NKAIN2: variants seen among roughly 807,000 people sequenced by gnomAD.
NKAIN2 encodes the protein sodium/potassium transporting ATPase interacting 2.
In NKAIN2, 14 loss-of-function variants were observed where a neutral mutation model predicts 32.6. The ratio of observed to expected loss-of-function variants is 0.43; its 90% CI spans 0.28 to 0.67. The LOEUF (loss-of-function observed/expected upper bound fraction) is 0.67. Ranked by LOEUF, NKAIN2 falls within the 30% of genes least tolerant of loss-of-function variation. NKAIN2 has a pLI of 0.17. For missense variants in NKAIN2, 198 were observed against 258.3 expected, an observed-to-expected ratio of 0.77 and a Z score of 1.60; for synonymous variants, 80 against 87.2, an observed-to-expected ratio of 0.92 and a Z score of 0.46.
chr6:124,211,838 G>A (rs1037092700), intron 1 of NKAIN2, among the ~76,000 whole-genome samples: 1 of 151,962 alleles, frequency 6.6e-6, no homozygotes, highest in Admixed American at 6.6e-5. Context: ...TGTGAGCTTT[G>A]TTTAAATAGT....
At chr6:124,493,065 G>T (rs958414866) in intron 3 of NKAIN2, among the ~76,000 whole-genome samples, 2 of 151,826 alleles carry the variant, frequency 1.3e-5, no homozygotes, top group African/African-American at 4.8e-5. Context: ...ATAGTGATTA[G>T]ATTAGAAAAT....
At chr6:124,363,473 T>C (rs928769719) in intron 3 of NKAIN2, among the ~76,000 whole-genome samples, 1 of 152,202 alleles carries the variant, frequency 6.6e-6, no homozygotes, top group African/African-American at 2.4e-5. Flanking sequence ...GGTGGTCTAG[T>C]GCACATAGGC....
At chr6:123,881,197 CT>C (rs1311496705) in intron 1 of NKAIN2, among the ~76,000 whole-genome samples, 1 of 152,036 alleles carries the variant, frequency 6.6e-6, no homozygotes, top group Admixed American at 6.6e-5. Context: ...ATTTTTTGTA[CT>C]TTTAGTAGAG....
intron 1 of NKAIN2, among the ~76,000 whole-genome samples, chr6:124,111,807 A>C (rs918910752): frequency 1.3e-5 from 2 of 151,080 alleles, no homozygotes; most frequent in African/African-American, 4.9e-5. Flanking sequence ...TGCCTCAATT[A>C]GTTTTTTGTT....
rs1015300789 is a variant in NKAIN2 at position 123,880,318 on chromosome 6, A to G, written c.54+76064A>G. Among the ~76,000 whole-genome samples the G allele has an allele frequency of 3.9e-5, 6 of 152,356 alleles. No homozygotes were observed. The East Asian group carries it at 7.7e-4, about 20-fold the overall frequency. On this transcript the variant is annotated intron_variant, in intron 1 of 6. Coordinates refer to ENST00000368417, the MANE Select transcript of NKAIN2 (RefSeq NM_001040214.3). ...CAAGGTCTAGTGAGCCCTGCTGCTGATAGAAGAAAGTTAAATTTCTATTCC... is the reference window on the plus strand; with the variant it reads ...CAAGGTCTAGTGAGCCCTGCTGCTGGTAGAAGAAAGTTAAATTTCTATTCC...
At position 123,858,362 on chromosome 6, in the gene NKAIN2, C is replaced by T. The variant is rs564172614; in HGVS notation, c.54+54108C>T. 4.8e-4 allele frequency among the ~76,000 whole-genome samples: 73 copies of T among 152,144 alleles called. No homozygotes were observed. The South Asian group carries it at 0.012, about 24-fold the overall frequency. ...AACTCCCGACCTCAGGTGATCTGCC[C>T]GCCTCGGCCTCCCAAAGTGCTGGGA... On this transcript the variant is annotated intron_variant, in intron 1 of 6. Coordinates refer to ENST00000368417, the MANE Select transcript of NKAIN2 (RefSeq NM_001040214.3).
At chr6:124,043,056 T>C (rs983972219) in intron 1 of NKAIN2, among the ~76,000 whole-genome samples, 2 of 152,078 alleles carry the variant, frequency 1.3e-5, no homozygotes, top group African/African-American at 4.8e-5. Flanking sequence ...TTATTCCTAA[T>C]AAATGTTAGG....
chr6:124,510,122 G>T (rs1282492587), intron 3 of NKAIN2, among the ~76,000 whole-genome samples: 1 of 149,286 alleles, frequency 6.7e-6, no homozygotes. Context: ...CATGATTTTT[G>T]AAATTTAATA....
chr6:124,531,360 C>G (rs1779518071), intron 3 of NKAIN2, among the ~76,000 whole-genome samples: 1 of 152,180 alleles, frequency 6.6e-6, no homozygotes, highest in Non-Finnish European at 1.5e-5. Flanking sequence ...GCCTCTTGGC[C>G]TAACCCTCTT....
intron 1 of NKAIN2, among the ~76,000 whole-genome samples, chr6:124,137,699 A>C (rs142361404): frequency 6.6e-6 from 1 of 152,294 alleles, no homozygotes; most frequent in East Asian, 1.9e-4. Context: ...AAAACACAGA[A>C]ATAAATCCAA....
chr6:124,159,686 G>T (rs1398977782), intron 1 of NKAIN2, among the ~76,000 whole-genome samples: 1 of 152,130 alleles, frequency 6.6e-6, no homozygotes, highest in Non-Finnish European at 1.5e-5. Context: ...ACCTGTTGGT[G>T]TCAGAATAGT....
At chr6:124,812,614 C>T (rs1045342984) in intron 5 of NKAIN2, among the ~76,000 whole-genome samples, 4 of 152,140 alleles carry the variant, frequency 2.6e-5, no homozygotes, top group Non-Finnish European at 5.9e-5. Context: ...TCCCCAATTT[C>T]CCTTGCACTA....
intron 3 of NKAIN2, among the ~76,000 whole-genome samples, chr6:124,358,120 G>T (rs1484014552): frequency 6.6e-6 from 1 of 152,084 alleles, no homozygotes; most frequent in Non-Finnish European, 1.5e-5. Context: ...ATTTTTTATG[G>T]CTGCATAGTA....
At chr6:123,904,588 G>A (rs1194983996) in intron 1 of NKAIN2, among the ~76,000 whole-genome samples, 2 of 152,176 alleles carry the variant, frequency 1.3e-5, no homozygotes, top group East Asian at 3.9e-4. Flanking sequence ...AGCACTGGAT[G>A]TTTTTCTCCA....
chr6:123,910,837 A>C (rs945920348), intron 1 of NKAIN2, among the ~76,000 whole-genome samples: 1 of 152,012 alleles, frequency 6.6e-6, no homozygotes, highest in Non-Finnish European at 1.5e-5. Context: ...GTTTCACCTC[A>C]TCCTGAAGAA....
chr6:124,724,371 T>A (rs1176294631), intron 4 of NKAIN2, among the ~76,000 whole-genome samples: 1 of 152,162 alleles, frequency 6.6e-6, no homozygotes, highest in Non-Finnish European at 1.5e-5. Flanking sequence ...AAAGAATAGC[T>A]ATTATAAGTT....
chr6:124,302,664 C>T (rs755368619), intron 2 of NKAIN2, among the ~76,000 whole-genome samples: 3 of 151,956 alleles, frequency 2.0e-5, no homozygotes, highest in East Asian at 3.9e-4. Context: ...ATGTTCCAGG[C>T]ACTTTGGTAT....
chr6:124,321,970 A>G (rs767679995), intron 2 of NKAIN2, among the ~76,000 whole-genome samples: 1 of 152,196 alleles, frequency 6.6e-6, no homozygotes, highest in Non-Finnish European at 1.5e-5. Context: ...TTCTGACTTT[A>G]ATATATATTT....
At chr6:124,700,754 G>T (rs1435947130) in intron 4 of NKAIN2, among the ~76,000 whole-genome samples, 1 of 151,766 alleles carries the variant, frequency 6.6e-6, no homozygotes, top group Non-Finnish European at 1.5e-5. Context: ...TAAAAAAATT[G>T]AGTGCCCTAA....
Sources: gnomAD v4.1 joint callset for allele counts (sites outside exome capture counted in the v4.1 genomes callset) on GRCh38, gnomAD v4.1.1 for gene constraint, MANE v1.5 for transcripts, NCBI Gene and HGNC (gene_info 2026-07-23, HGNC 2026-07-21) for gene names.